ZNF469: variants seen among roughly 807,000 people sequenced by gnomAD.
The protein encoded by ZNF469 is zinc finger protein 469.
Under a neutral mutation model 1.0 loss-of-function variants are expected in ZNF469, and 1 was observed. That is an observed-to-expected ratio of 1.00 (90% CI 0.35 to 4.73). The LOEUF (loss-of-function observed/expected upper bound fraction) is 4.73, where lower values mean the gene tolerates loss of function less well. Among genes scored for constraint, ZNF469 ranks in the 30% most tolerant of loss-of-function variants. ZNF469 has a pLI of 0.16. For missense variants in ZNF469, 6,100 were observed against 5,356.3 expected (o/e 1.14, Z -4.33); for synonymous variants, 2,703 against 2,363.4 (o/e 1.14, Z -4.17).
the ZNF469 span, among the ~76,000 whole-genome samples, chr16:88,373,916 G>T: frequency 6.6e-6 from 1 of 152,038 alleles, no homozygotes; most frequent in Non-Finnish European, 1.5e-5. Context: ...ATAATCGCTT[G>T]AACCCAGGAG....
upstream of ZNF469, among the ~76,000 whole-genome samples, chr16:88,382,407 G>A (rs1055417595): frequency 6.6e-6 from 1 of 152,256 alleles, no homozygotes; most frequent in Non-Finnish European, 1.5e-5. Flanking sequence ...CGAACTCACG[G>A]GCCAGTCTGG....
chr16:88,413,169 C>G (rs1382765530), intron 1 of ZNF469, among the ~76,000 whole-genome samples: 1 of 152,226 alleles, frequency 6.6e-6, no homozygotes, highest in Non-Finnish European at 1.5e-5. Flanking sequence ...TCTGGGTCCC[C>G]GCACGCACGT....
chr16:88,227,093 GGCCTGCGCGTTTCC>G, the ZNF469 span, among the ~76,000 whole-genome samples: 5 of 117,706 alleles, frequency 4.2e-5, no homozygotes, highest in South Asian at 2.6e-4. Flanking sequence ...TCCGCGCCGG[GGCCTGCGCGTTTCC>G]ACCCGTCCCT....
chr16:88,383,445 C>T (rs1248302989), intron 1 of ZNF469, among the ~76,000 whole-genome samples, 191 bp downstream of exon 1: 1 of 148,558 alleles, frequency 6.7e-6, no homozygotes, highest in Non-Finnish European at 1.5e-5. Flanking sequence ...CCCCGACCTC[C>T]TCCTCCCGGG....
chr16:88,133,645 TAAATA>T, the ZNF469 span, among the ~76,000 whole-genome samples: 1 of 150,550 alleles, frequency 6.6e-6, no homozygotes, highest in Non-Finnish European at 1.5e-5. Context: ...AAATAAATTA[TAAATA>T]AAATAATGAA....
chr16:88,131,884 G>T, the ZNF469 span, among the ~76,000 whole-genome samples: 3 of 152,014 alleles, frequency 2.0e-5, no homozygotes, highest in Admixed American at 1.3e-4. Context: ...GGCTTGGGGC[G>T]CCCACCTGCC....
chr16:88,438,842 AG>A lies in ZNF469; in HGVS notation c.11376del (p.Pro3793GlnfsTer13), dbSNP rs1467438333. 8 of 1,550,268 alleles carry A rather than the reference AG, an allele frequency of 5.2e-6. No individual in the cohort carries two copies. On this transcript the variant is annotated frameshift_variant, in exon 3 of 3. Transcript: ENST00000565624. LOFTEE classifies it low-confidence loss of function (END_TRUNC). Reference protein sequence around the residue: ...PARAQAKSCTKGPREAGEQGP... With the variant: ...PARAQAKSCTXGPREAGEQGP... ...CGAGCCCAAGCCAAGAGCTGCACCA[AG>A]GGGCCAAGGGAAGCTGGTGAGCAGG...
the ZNF469 span, among the ~76,000 whole-genome samples, chr16:88,310,576 TA>T: frequency 0.011 from 1,564 of 148,272 alleles, 21 homozygotes; most frequent in Non-Finnish European, 0.016. Flanking sequence ...TTTTTTTTTT[TA>T]TTAATTTTAT....
chr16:88,319,056 G>A, the ZNF469 span, among the ~76,000 whole-genome samples: 3 of 152,184 alleles, frequency 2.0e-5, no homozygotes, highest in African/African-American at 7.2e-5. Flanking sequence ...GGGTCAAGAG[G>A]GCCTTGGCCA....
At chr16:88,387,893 C>T (rs1018028411) in intron 1 of ZNF469, among the ~76,000 whole-genome samples, 21 of 152,208 alleles carry the variant, frequency 1.4e-4, no homozygotes, top group Admixed American at 3.3e-4. Flanking sequence ...CTTGCTCCTC[C>T]AATCAGGGTG....
At chr16:88,296,993 C>G in the ZNF469 span, among the ~76,000 whole-genome samples, 4 of 152,170 alleles carry the variant, frequency 2.6e-5, no homozygotes, top group African/African-American at 9.7e-5. Context: ...CTGAGCAATG[C>G]GTTCAAACTG....
intron 1 of ZNF469, among the ~76,000 whole-genome samples, chr16:88,394,351 T>G (rs555212958): frequency 2.0e-4 from 30 of 152,358 alleles, no homozygotes; most frequent in African/African-American, 6.7e-4. Context: ...AAGTTTCAGG[T>G]GCTCAGTGGC....
At chr16:88,383,625 G>A (rs887357624) in intron 1 of ZNF469, among the ~76,000 whole-genome samples, 22 of 150,582 alleles carry the variant, frequency 1.5e-4, no homozygotes, top group African/African-American at 5.3e-4. Context: ...ACCTCCGGGC[G>A]GGGCTGCGGG....
At chr16:88,219,165 A>C in the ZNF469 span, among the ~76,000 whole-genome samples, 1 of 148,222 alleles carries the variant, frequency 6.7e-6, no homozygotes, top group South Asian at 2.2e-4. Flanking sequence ...GGTAGGAAGA[A>C]TCAATATCGT....
At chr16:88,159,228 G>GCTAGA in the ZNF469 span, among the ~76,000 whole-genome samples, 3 of 22 alleles carry the variant, frequency 0.14, no homozygotes, top group African/African-American at 0.38. Flanking sequence ...TCACCGTCCT[G>GCTAGA]CAGCGTCTGT....
At chr16:88,123,592 G>A in the ZNF469 span, among the ~76,000 whole-genome samples, 2 of 152,180 alleles carry the variant, frequency 1.3e-5, no homozygotes, top group Non-Finnish European at 2.9e-5. Context: ...GGATAATTGC[G>A]GGGCCACGTG....
At chr16:88,108,591 T>C in the ZNF469 span, among the ~76,000 whole-genome samples, 1 of 152,210 alleles carries the variant, frequency 6.6e-6, no homozygotes, top group Non-Finnish European at 1.5e-5. Flanking sequence ...CCCACCTCTG[T>C]TTCCCCAGAG....
chr16:88,180,752 T>C, the ZNF469 span, among the ~76,000 whole-genome samples: 3 of 1,182 alleles, frequency 2.5e-3, no homozygotes, highest in South Asian at 0.25. Context: ...CCAGCCTGGG[T>C]GACAGAGAGA....
intron 1 of ZNF469, among the ~76,000 whole-genome samples, chr16:88,416,200 T>C (rs759879999): frequency 1.3e-5 from 2 of 152,164 alleles, no homozygotes; most frequent in Admixed American, 6.5e-5. Flanking sequence ...GTGACCCCCA[T>C]GTAGGCCTCA....
Sources: gnomAD v4.1 joint callset for allele counts (sites outside exome capture counted in the v4.1 genomes callset) on GRCh38, gnomAD v4.1.1 for gene constraint, MANE v1.5 for transcripts, NCBI Gene and HGNC (gene_info 2026-07-23, HGNC 2026-07-21) for gene names.